Variants in MAN1C1 observed in about 807,000 individuals in gnomAD.
The protein encoded by MAN1C1 is mannosidase alpha class 1C member 1, also known as mannosyl-oligosaccharide 1,2-alpha-mannosidase IC.
A neutral mutation model predicts 71.5 loss-of-function variants in MAN1C1; 49 were observed. The observed-to-expected ratio is 0.69, with a 90% CI of 0.54 to 0.87. MAN1C1 has a LOEUF of 0.87. Among genes scored for constraint, MAN1C1 ranks in the 40% least tolerant of loss-of-function variants. The probability of loss-of-function intolerance (pLI) is 0.00; values close to 1 mark genes in which losing one functional copy is unlikely to be tolerated. For missense variants in MAN1C1, 743 were observed against 835.0 expected (o/e 0.89, Z 1.36); for synonymous variants, 352 against 343.7 (o/e 1.02, Z -0.27).
intron 1 of MAN1C1, among the ~76,000 whole-genome samples, chr1:25,670,590 G>A (rs747355528): frequency 4.6e-5 from 7 of 152,202 alleles, no homozygotes; most frequent in African/African-American, 1.2e-4. Flanking sequence ...GCCGGCCTTC[G>A]TTTGATGCTG....
In MAN1C1 at chr1:25,782,558, T is replaced by A. The variant is rs373577573; in HGVS notation, c.1651-27T>A. 4.0e-5 allele frequency: 62 copies of A among 1,542,704 alleles called. No homozygotes were observed. Among genetic ancestry groups the A allele is most frequent in the Non-Finnish European group, 5.1e-5 (57 of 1,115,202 alleles). ...CTTTCCTGTCCCGTGTTAAGGCTGTTTTCCTCCTCCTCTTCCCCTTCCTCA... is the reference window on the plus strand; with the variant it reads ...CTTTCCTGTCCCGTGTTAAGGCTGTATTCCTCCTCCTCTTCCCCTTCCTCA... On this transcript the variant is annotated intron_variant, in intron 10 of 11. Coordinates refer to ENST00000374332, the MANE Select transcript of MAN1C1 (RefSeq NM_020379.4). The surrounding 1 kb of genome is among the most constrained non-coding windows in gnomAD (Gnocchi z 4.4).
intron 2 of MAN1C1, among the ~76,000 whole-genome samples, chr1:25,739,083 T>C (rs576624331): frequency 6.6e-6 from 1 of 152,220 alleles, no homozygotes; most frequent in African/African-American, 2.4e-5. Context: ...CAGTAAGCTA[T>C]GATCACACCA....
At chr1:25,668,063 T>C (rs1409261391) in intron 1 of MAN1C1, among the ~76,000 whole-genome samples, 1 of 152,214 alleles carries the variant, frequency 6.6e-6, no homozygotes, top group Non-Finnish European at 1.5e-5. Flanking sequence ...CAGTGGGTTT[T>C]ACAAGCTTTT....
intron 1 of MAN1C1, among the ~76,000 whole-genome samples, chr1:25,683,281 A>G (rs945389940): frequency 1.3e-5 from 2 of 152,044 alleles, no homozygotes; most frequent in African/African-American, 4.8e-5. Flanking sequence ...TTCCCTTGAG[A>G]CACACACTTG....
intron 1 of MAN1C1, chr1:25,654,336 G>A (rs1381654975): frequency 6.6e-6 from 1 of 152,176 alleles, no homozygotes; most frequent in Non-Finnish European, 1.5e-5. Flanking sequence ...CTGTTATACC[G>A]ATCCATGAGG....
intron 1 of MAN1C1, among the ~76,000 whole-genome samples, chr1:25,643,020 C>T (rs1235864127): frequency 3.9e-5 from 6 of 152,104 alleles, no homozygotes; most frequent in East Asian, 1.9e-4. Context: ...CTGTGGGGGA[C>T]GTAGGTTCCC....
chr1:25,628,008 C>A (rs1252822404), intron 1 of MAN1C1, among the ~76,000 whole-genome samples: 1 of 152,138 alleles, frequency 6.6e-6, no homozygotes, highest in Admixed American at 6.5e-5. Context: ...GATTGCAACA[C>A]TGTACTCCAG....
Position 25,744,127 on chromosome 1 carries a change from G to A in MAN1C1, c.638-2541G>A, listed in dbSNP as rs182809345. Among the ~76,000 whole-genome samples the A allele has an allele frequency of 1.2e-4, 19 of 152,298 alleles. No homozygotes were observed. The East Asian group carries it at 3.3e-3, about 26-fold the overall frequency. On this transcript the variant is annotated intron_variant, in intron 2 of 11. Coordinates refer to ENST00000374332, the MANE Select transcript of MAN1C1 (RefSeq NM_020379.4). ...ACGTCTGGTTTGAGGTCCTGTGATA[G>A]AACAGGAAGGGGCCTGAGCTACAGC...
At chr1:25,632,714 G>A (rs2045400722) in intron 1 of MAN1C1, among the ~76,000 whole-genome samples, 2 of 152,046 alleles carry the variant, frequency 1.3e-5, no homozygotes, top group East Asian at 3.9e-4. Context: ...AAAAATGTTT[G>A]AATTTCCATC....
At chr1:25,755,079 CA>C (rs1253452721) in intron 5 of MAN1C1, among the ~76,000 whole-genome samples, 4 of 152,146 alleles carry the variant, frequency 2.6e-5, no homozygotes, top group African/African-American at 9.7e-5. Flanking sequence ...TCGCTGTGGG[CA>C]GCCCCAACAG....
intron 1 of MAN1C1, among the ~76,000 whole-genome samples, chr1:25,664,206 A>T (rs1039952790): frequency 6.6e-6 from 1 of 150,968 alleles, no homozygotes; most frequent in South Asian, 2.1e-4. Context: ...CATGCTGCTC[A>T]TTACCACCCC....
chr1:25,620,190 G>C (rs2045185529), intron 1 of MAN1C1, among the ~76,000 whole-genome samples: 1 of 152,162 alleles, frequency 6.6e-6, no homozygotes. Context: ...AGGATTCTGT[G>C]CTTTGCAGGT....
rs919371476 is a variant in MAN1C1, at chr1:25,753,727, G to T, written c.929+149G>T. 9.6e-6 allele frequency: 6 copies of T among 623,372 alleles called. No homozygotes were observed. Among genetic ancestry groups the T allele is most frequent in the Non-Finnish European group, 1.7e-5 (6 of 355,852 alleles). 38.6% of individuals were successfully genotyped at this position (623,372 alleles called of 1,614,324 possible). A position where few individuals can be genotyped will look rare whatever the true frequency, so the allele number is the denominator to read the frequency against. ...CCTTGGGACCACCTCTGTTGAACCC[G>T]TTCTTTTATGATGTAGAAACTGAGG... On this transcript the variant is annotated intron_variant, in intron 5 of 11. Coordinates refer to ENST00000374332, the MANE Select transcript of MAN1C1 (RefSeq NM_020379.4). The surrounding 1 kb of genome is among the most constrained non-coding windows in gnomAD (Gnocchi z 4.9).
intron 2 of MAN1C1, among the ~76,000 whole-genome samples, chr1:25,743,227 G>C (rs2047084847): frequency 6.6e-6 from 1 of 152,196 alleles, no homozygotes; most frequent in Non-Finnish European, 1.5e-5. Context: ...TTATTTCTAA[G>C]ACACCTCACT....
At chr1:25,761,206 G>C (rs987364372) in intron 6 of MAN1C1, 1 of 152,024 alleles carries the variant, frequency 6.6e-6, no homozygotes, top group East Asian at 1.9e-4. Context: ...GATAACAACT[G>C]TTATTGCTTT....
At chr1:25,743,519 C>G (rs1000837824) in intron 2 of MAN1C1, among the ~76,000 whole-genome samples, 1 of 152,226 alleles carries the variant, frequency 6.6e-6, no homozygotes, top group Non-Finnish European at 1.5e-5. Context: ...GAAAGGCTTT[C>G]CAGTAAGTGC....
At chr1:25,723,113 C>T (rs1007495114) in intron 2 of MAN1C1, among the ~76,000 whole-genome samples, 1 of 152,044 alleles carries the variant, frequency 6.6e-6, no homozygotes, top group African/African-American at 2.4e-5. Context: ...AATTAATGGA[C>T]CTTCTGAGAT....
In MAN1C1 at chr1:25,783,739, C is replaced by T; in HGVS notation, c.1843C>T (p.Leu615Phe). Reference sequence around the variant, plus strand: ...GGTGTTCAACACCGAGGCCCACCCACTCCCGGTGAACCACTCAGACAGCTC... The same window carrying T: ...GGTGTTCAACACCGAGGCCCACCCATTCCCGGTGAACCACTCAGACAGCTC... ...DWVFNTEAHPLPVNHSDSSGR... is the reference protein window; with the variant it reads ...DWVFNTEAHPFPVNHSDSSGR... The change falls in exon 12 of 12, where the codon CTC becomes TTC. Residue 615 changes from leucine to phenylalanine, a missense_variant. Physicochemically the swap from Leu to Phe is conservative, Grantham distance 22 (BLOSUM62 0). Transcript: ENST00000374332. 1 of 1,613,234 alleles carries T rather than the reference C, an allele frequency of 6.2e-7. No individual in the cohort carries two copies. Among genetic ancestry groups the T allele is most frequent in the Non-Finnish European group, 8.5e-7 (1 of 1,180,034 alleles).
intron 2 of MAN1C1, among the ~76,000 whole-genome samples, chr1:25,736,765 G>A (rs765239195): frequency 2.6e-5 from 4 of 152,156 alleles, no homozygotes; most frequent in Non-Finnish European, 4.4e-5. Context: ...GGGCTCAAGC[G>A]ATCCACCTAC....
Sources: allele counts gnomAD v4.1 joint callset (sites outside exome capture counted in the v4.1 genomes callset), GRCh38; gene constraint gnomAD v4.1.1; non-coding constraint Gnocchi (gnomAD v3.1); transcripts MANE v1.5; gene names NCBI Gene and HGNC (gene_info 2026-07-23, HGNC 2026-07-21).